BTRC: variants seen among roughly 807,000 people sequenced by gnomAD.
BTRC encodes beta-transducin repeat containing E3 ubiquitin protein ligase.
In BTRC, 42 loss-of-function variants were observed where a neutral mutation model predicts 85.5. The ratio of observed to expected loss-of-function variants is 0.49; its 90% CI spans 0.38 to 0.64. The LOEUF is 0.64. BTRC is among the 30% of genes least tolerant of loss of function. The pLI, the probability that BTRC is intolerant of heterozygous loss-of-function variation, is 0.00. For missense variants in BTRC, 594 were observed against 743.5 expected (o/e 0.80, Z 2.34); for synonymous variants, 255 against 263.3 (o/e 0.97, Z 0.30).
rs1289861291 is a variant in BTRC at position 101,427,940 on chromosome 10, C to T, written c.49-2405C>T. On this transcript the variant is annotated intron_variant, in intron 1 of 14. Coordinates refer to ENST00000370187, the MANE Select transcript of BTRC (RefSeq NM_033637.4). ...TCATTTACTTAAAAAATTAGCAAAGCATTCTTAATACGTATAAAGAAGTAA... is the reference window on the plus strand; with the variant it reads ...TCATTTACTTAAAAAATTAGCAAAGTATTCTTAATACGTATAAAGAAGTAA... Among the ~76,000 whole-genome samples the T allele has an allele frequency of 2.0e-5, 3 of 152,124 alleles. No individual in the cohort carries two copies. In the South Asian group the frequency reaches 6.2e-4, roughly 32 times the overall value.
chr10:101,406,703 T>C (rs1301464949), intron 1 of BTRC, among the ~76,000 whole-genome samples: 2 of 151,596 alleles, frequency 1.3e-5, no homozygotes, highest in Non-Finnish European at 2.9e-5. Flanking sequence ...CTAGCTAATT[T>C]TTGTGTTTTT....
chr10:101,523,072 C>G (rs1444606793), intron 5 of BTRC, among the ~76,000 whole-genome samples: 6 of 152,042 alleles, frequency 3.9e-5, no homozygotes, highest in African/African-American at 7.2e-5. Flanking sequence ...GGTGTAGTAG[C>G]ACACACCTGT....
chr10:101,490,006 C>G lies in BTRC; in HGVS notation c.324+10549C>G, dbSNP rs147973030. Among the ~76,000 whole-genome samples, 41 of 152,264 alleles carry G rather than the reference C, an allele frequency of 2.7e-4. No individual in the cohort carries two copies. In the East Asian group the frequency reaches 7.7e-3, roughly 29 times the overall value. On this transcript the variant is annotated intron_variant, in intron 4 of 14. Coordinates refer to ENST00000370187, the MANE Select transcript of BTRC (RefSeq NM_033637.4). Reference sequence around the variant, plus strand: ...AATTTTCATTAGTCTAGTCCTTTGGCACTTACCCAATACACCCTTAATTAA... The same window carrying G: ...AATTTTCATTAGTCTAGTCCTTTGGGACTTACCCAATACACCCTTAATTAA...
chr10:101,485,653 T>C (rs1209001087), intron 4 of BTRC, among the ~76,000 whole-genome samples: 1 of 152,242 alleles, frequency 6.6e-6, no homozygotes, highest in East Asian at 1.9e-4. Context: ...TTTTTGTTTT[T>C]GTTTTTAAAT....
intron 1 of BTRC, among the ~76,000 whole-genome samples, chr10:101,419,052 C>T (rs1286300832): frequency 6.6e-6 from 1 of 151,470 alleles, no homozygotes; most frequent in Non-Finnish European, 1.5e-5. Flanking sequence ...GCTCTGTCAC[C>T]CAGGCTGGAG....
At chr10:101,447,820 G>T (rs1358902904) in intron 2 of BTRC, among the ~76,000 whole-genome samples, 1 of 151,998 alleles carries the variant, frequency 6.6e-6, no homozygotes, top group Non-Finnish European at 1.5e-5. Context: ...AAATTAAAAG[G>T]CCACTTTAAA....
At chr10:101,488,653 A>G (rs536587553) in intron 4 of BTRC, among the ~76,000 whole-genome samples, 5 of 152,298 alleles carry the variant, frequency 3.3e-5, no homozygotes, top group African/African-American at 1.2e-4. Flanking sequence ...TAGTCTTTAC[A>G]TATTAGACTT....
At chr10:101,382,349 T>C (rs1300273694) in intron 1 of BTRC, among the ~76,000 whole-genome samples, 1 of 152,182 alleles carries the variant, frequency 6.6e-6, no homozygotes, top group African/African-American at 2.4e-5. Flanking sequence ...ATATAATATC[T>C]CTTTAGTTTC....
chr10:101,496,852 T>C (rs907124798), intron 4 of BTRC, among the ~76,000 whole-genome samples: 1 of 152,232 alleles, frequency 6.6e-6, no homozygotes, highest in Admixed American at 6.5e-5. Context: ...ATTTGTCTGA[T>C]GTATGTATTG....
intron 2 of BTRC, among the ~76,000 whole-genome samples, chr10:101,459,854 G>A (rs1023898503): frequency 6.6e-6 from 1 of 152,096 alleles, no homozygotes; most frequent in Non-Finnish European, 1.5e-5. Context: ...GGCTGTTAAG[G>A]TTGAGATGAC....
chr10:101,541,322 C>T (rs1036292855), intron 13 of BTRC, among the ~76,000 whole-genome samples: 1 of 151,666 alleles, frequency 6.6e-6, no homozygotes, highest in East Asian at 1.9e-4. Flanking sequence ...TGCAGTGGCG[C>T]GATCTCAGCG....
chr10:101,363,493 C>G (rs374694123), intron 1 of BTRC, among the ~76,000 whole-genome samples: 1 of 152,028 alleles, frequency 6.6e-6, no homozygotes, highest in African/African-American at 2.4e-5. Flanking sequence ...GAGTCTTACT[C>G]TGTCACCCAG....
chr10:101,418,836 T>C (rs1274536280), intron 1 of BTRC, among the ~76,000 whole-genome samples: 1 of 152,128 alleles, frequency 6.6e-6, no homozygotes, highest in Non-Finnish European at 1.5e-5. Context: ...ATCAGCTCTT[T>C]TCCCTAATGC....
intron 4 of BTRC, among the ~76,000 whole-genome samples, chr10:101,503,898 C>T (rs1303662499): frequency 6.6e-6 from 1 of 152,168 alleles, no homozygotes; most frequent in Non-Finnish European, 1.5e-5. Flanking sequence ...GATTAGAGCA[C>T]AAAGAAGAGC....
At chr10:101,414,221 G>A (rs1189287448) in intron 1 of BTRC, among the ~76,000 whole-genome samples, 1 of 152,116 alleles carries the variant, frequency 6.6e-6, no homozygotes, top group Admixed American at 6.6e-5. Flanking sequence ...TACAGTACAG[G>A]CATGCACTGT....
intron 5 of BTRC, among the ~76,000 whole-genome samples, chr10:101,522,360 AAAAAAACAAAAAAAAAC>A (rs1233794945): frequency 7.2e-5 from 5 of 69,644 alleles, no homozygotes; most frequent in African/African-American, 1.1e-4. Flanking sequence ...TTTAAAAAAA[AAAAAAACAAAAAAAAAC>A]AAAAAAAAAA....
chr10:101,550,580 C>A (rs1335899838), intron 13 of BTRC, 119 bp from the exon 14 acceptor site: 3 of 1,076,266 alleles, frequency 2.8e-6, no homozygotes, highest in Middle Eastern at 3.1e-4. Context: ...CTGCGCCTGG[C>A]CTCTTTATAA....
chr10:101,407,792 G>A (rs1344778101), intron 1 of BTRC, among the ~76,000 whole-genome samples: 1 of 149,734 alleles, frequency 6.7e-6, no homozygotes, highest in Non-Finnish European at 1.5e-5. Flanking sequence ...GCGCAATCTC[G>A]GCTCATTGCA....
intron 1 of BTRC, among the ~76,000 whole-genome samples, chr10:101,412,797 T>C (rs1189735599): frequency 6.6e-6 from 1 of 152,242 alleles, no homozygotes; most frequent in East Asian, 1.9e-4. Flanking sequence ...CTAGTCTATT[T>C]ACTTCAAGGT....
Sources: gnomAD v4.1 joint callset for allele counts (sites outside exome capture counted in the v4.1 genomes callset) on GRCh38, gnomAD v4.1.1 for gene constraint, MANE v1.5 for transcripts, NCBI Gene and HGNC (gene_info 2026-07-23, HGNC 2026-07-21) for gene names.